PDSS2: variants seen among roughly 807,000 people sequenced by gnomAD.
PDSS2 encodes the protein decaprenyl diphosphate synthase subunit 2.
Under a neutral mutation model 44.5 loss-of-function variants are expected in PDSS2, and 31 were observed. That is an observed-to-expected ratio of 0.70 (90% CI 0.52 to 0.94). The LOEUF (loss-of-function observed/expected upper bound fraction) is 0.94, where lower values mean the gene tolerates loss of function less well. Among genes scored for constraint, PDSS2 ranks in the 40% least tolerant of loss-of-function variants. The probability of loss-of-function intolerance (pLI) is 0.00; values close to 1 mark genes in which losing one functional copy is unlikely to be tolerated. For synonymous variants in PDSS2, 157 were observed against 180.3 expected, an observed-to-expected ratio of 0.87 and a Z score of 1.03; for missense variants, 452 against 482.2, an observed-to-expected ratio of 0.94 and a Z score of 0.59.
intron 7 of PDSS2, among the ~76,000 whole-genome samples, chr6:107,164,328 C>G (rs1234210753): frequency 6.6e-6 from 1 of 152,142 alleles, no homozygotes; most frequent in African/African-American, 2.4e-5. Context: ...TCCCCCACCC[C>G]ACGACAGGCC....
chr6:107,436,201 C>T (rs1336982589), intron 1 of PDSS2, among the ~76,000 whole-genome samples: 3 of 152,044 alleles, frequency 2.0e-5, no homozygotes, highest in East Asian at 3.8e-4. Flanking sequence ...AACTAATGGG[C>T]CTCTAAGGTG....
At chr6:107,288,546 T>C (rs1562437602) in intron 2 of PDSS2, among the ~76,000 whole-genome samples, 2 of 152,102 alleles carry the variant, frequency 1.3e-5, no homozygotes, top group African/African-American at 4.8e-5. Flanking sequence ...TTTGGACGTT[T>C]AAACAGATTT....
chr6:107,298,551 C>T (rs1426370615), intron 2 of PDSS2, among the ~76,000 whole-genome samples: 1 of 152,042 alleles, frequency 6.6e-6, no homozygotes, highest in Admixed American at 6.6e-5. Context: ...GGACCAAGAT[C>T]CATGAATATT....
At chr6:107,458,383 C>T (rs867853647) in intron 1 of PDSS2, among the ~76,000 whole-genome samples, 3 of 121,652 alleles carry the variant, frequency 2.5e-5, no homozygotes, top group Non-Finnish European at 4.9e-5. Flanking sequence ...CAGCTACTCC[C>T]GCCTGGGCGA....
At chr6:107,195,103 A>G (rs1427214650) in intron 6 of PDSS2, among the ~76,000 whole-genome samples, 1 of 152,194 alleles carries the variant, frequency 6.6e-6, no homozygotes, top group Non-Finnish European at 1.5e-5. Flanking sequence ...TCTCAAGACC[A>G]TTTTGTTCCT....
At chr6:107,323,157 A>G (rs1356555920) in intron 2 of PDSS2, among the ~76,000 whole-genome samples, 1 of 152,208 alleles carries the variant, frequency 6.6e-6, no homozygotes, top group African/African-American at 2.4e-5. Flanking sequence ...GTGGATTGTG[A>G]ACCCAATGGT....
At chr6:107,257,090 G>C (rs997403168) in intron 3 of PDSS2, among the ~76,000 whole-genome samples, 1 of 152,114 alleles carries the variant, frequency 6.6e-6, no homozygotes, top group African/African-American at 2.4e-5. Context: ...TGAGGCAGGA[G>C]AATCTCTAGA....
chr6:107,242,467 A>G (rs1774471821), intron 4 of PDSS2, among the ~76,000 whole-genome samples: 2 of 151,876 alleles, frequency 1.3e-5, no homozygotes, highest in Non-Finnish European at 2.9e-5. Flanking sequence ...GATGGTCTCG[A>G]TCTCCCGACC....
At position 107,315,104 on chromosome 6, in the gene PDSS2, C is replaced by G. The variant is rs576842777; in HGVS notation, c.431+19094G>C. Among the ~76,000 whole-genome samples, 125 of 152,102 alleles carry G rather than the reference C, an allele frequency of 8.2e-4. 2 individuals are homozygous for G. In the South Asian group the frequency reaches 0.023, roughly 27 times the overall value. ...TATATATAATTTTTAAATAAATTTA[C>G]CAATTACTCTAAATACTTATTTTCT... On this transcript the variant is annotated intron_variant, in intron 2 of 7. Transcript: ENST00000369037.
chr6:107,175,000 G>A (rs538301905), intron 7 of PDSS2, among the ~76,000 whole-genome samples: 17 of 152,144 alleles, frequency 1.1e-4, no homozygotes, highest in Admixed American at 2.6e-4. Flanking sequence ...GGATCATGAC[G>A]TCAGGAGTTC....
At chr6:107,337,983 G>A (rs1461993269) in intron 1 of PDSS2, among the ~76,000 whole-genome samples, 1 of 152,122 alleles carries the variant, frequency 6.6e-6, no homozygotes, top group Non-Finnish European at 1.5e-5. Flanking sequence ...TTTCACATAA[G>A]TCAGTGGTTA....
intron 1 of PDSS2, among the ~76,000 whole-genome samples, chr6:107,348,433 T>C (rs1243193849): frequency 3.9e-5 from 6 of 152,162 alleles, no homozygotes; most frequent in Non-Finnish European, 8.8e-5. Context: ...TAATGTTGAG[T>C]CATTGCTATT....
Position 107,225,137 on chromosome 6 carries a change from T to TATATATATATATATATATTTATATATA in PDSS2, c.703-12856_703-12855insTATATATAAATATATATATATATATAT, listed in dbSNP as rs1446558243. Among the ~76,000 whole-genome samples the TATATATATATATATATATTTATATATA allele has an allele frequency of 6.3e-4, 39 of 62,370 alleles. 1 individual carries two copies. The highest frequency in any genetic ancestry group is 1.1e-3 in the African/African-American group (11 of 10,364). 40.9% of individuals were successfully genotyped at this position (62,370 alleles called of 152,430 possible). A position where few individuals can be genotyped will look rare whatever the true frequency, so the allele number is the denominator to read the frequency against. ...AGGAAGCTTCACTATATATATATTT[T>TATATATATATATATATATTTATATATA]TATATATATATATATATATATATAT... On this transcript the variant is annotated intron_variant, in intron 4 of 7. Coordinates refer to ENST00000369037, the MANE Select transcript of PDSS2 (RefSeq NM_020381.4).
intron 1 of PDSS2, among the ~76,000 whole-genome samples, chr6:107,415,992 G>A (rs1190956817): frequency 2.0e-5 from 3 of 152,140 alleles, no homozygotes; most frequent in African/African-American, 4.8e-5. Context: ...GAAGTAACAG[G>A]GGATATTAAA....
At chr6:107,154,809 GT>G (rs1770826167) in intron 7 of PDSS2, 32 bp from the exon 8 acceptor site, 1 of 1,605,840 alleles carries the variant, frequency 6.2e-7, no homozygotes. Flanking sequence ...ATAAAAGTCA[GT>G]TTTAAAGGTA....
chr6:107,291,336 T>C (rs1776337445), intron 2 of PDSS2, among the ~76,000 whole-genome samples: 1 of 137,550 alleles, frequency 7.3e-6, no homozygotes, highest in African/African-American at 2.7e-5. Context: ...AGAATTCTGA[T>C]TTTATTTTAT....
chr6:107,242,382 G>GCTGGAGA (rs1479468376), intron 4 of PDSS2, among the ~76,000 whole-genome samples: 1 of 151,742 alleles, frequency 6.6e-6, no homozygotes, highest in Non-Finnish European at 1.5e-5. Flanking sequence ...TCCTGCCTCA[G>GCTGGAGA]CCTCCTGAGT....
At chr6:107,203,833 T>C (rs1772875972) in intron 6 of PDSS2, among the ~76,000 whole-genome samples, 1 of 152,134 alleles carries the variant, frequency 6.6e-6, no homozygotes, top group Admixed American at 6.6e-5. Context: ...TCCCCAACCC[T>C]GGGCAACCAC....
At chr6:107,336,871 TGTGTGTGTG>T (rs1777915495) in intron 1 of PDSS2, among the ~76,000 whole-genome samples, 1 of 98,694 alleles carries the variant, frequency 1.0e-5, no homozygotes, top group South Asian at 3.9e-4. Context: ...TGTGTGTGTG[TGTGTGTGTG>T]TTCGGGGCTG....
Sources: gnomAD v4.1 joint callset for allele counts (sites outside exome capture counted in the v4.1 genomes callset) on GRCh38, gnomAD v4.1.1 for gene constraint, MANE v1.5 for transcripts, NCBI Gene and HGNC (gene_info 2026-07-23, HGNC 2026-07-21) for gene names.